PDE10A: variants seen among roughly 807,000 people sequenced by gnomAD.
The protein encoded by PDE10A is cAMP and cAMP-inhibited cGMP 3',5'-cyclic phosphodiesterase 10A.
PDE10A carries 39 observed loss-of-function variants against 97.7 expected under a neutral mutation model. The observed-to-expected ratio is 0.40, with a 90% CI of 0.31 to 0.52. PDE10A has a LOEUF of 0.52. Ranked by LOEUF, PDE10A falls within the 20% of genes least tolerant of loss-of-function variation. PDE10A has a pLI of 0.56. For missense variants in PDE10A, 731 were observed against 1,047.8 expected (o/e 0.70, Z 4.17); for synonymous variants, 371 against 376.8 (o/e 0.98, Z 0.18).
At chr6:165,401,029 T>C (rs1284234978) in intron 13 of PDE10A, among the ~76,000 whole-genome samples, 1 of 152,112 alleles carries the variant, frequency 6.6e-6, no homozygotes, top group East Asian at 1.9e-4. Flanking sequence ...AGCAAATCAA[T>C]GGTCACCTGA....
intron 1 of PDE10A, among the ~76,000 whole-genome samples, chr6:165,907,415 C>T (rs570098466): frequency 1.8e-3 from 267 of 152,350 alleles, no homozygotes; most frequent in Non-Finnish European, 2.7e-3. Flanking sequence ...CCGGGAGCCT[C>T]GCGTTGCTGG....
intron 1 of PDE10A, among the ~76,000 whole-genome samples, chr6:165,962,717 C>G (rs937423587): frequency 2.6e-5 from 4 of 152,124 alleles, no homozygotes; most frequent in African/African-American, 4.8e-5. Flanking sequence ...CCAGCAGAGG[C>G]GAAAGATTAA....
chr6:165,635,487 G>GT (rs1788831001), intron 1 of PDE10A, among the ~76,000 whole-genome samples: 2 of 152,084 alleles, frequency 1.3e-5, no homozygotes, highest in Non-Finnish European at 2.9e-5. Flanking sequence ...GTGTGTGTGT[G>GT]GGTGTGTGTG....
chr6:165,522,273 G>A (rs944313039), intron 2 of PDE10A, among the ~76,000 whole-genome samples: 27 of 152,118 alleles, frequency 1.8e-4, no homozygotes, highest in Non-Finnish European at 1.3e-4. Flanking sequence ...AATTCAAGGA[G>A]GAGGGACTGC....
rs1371857693 is a variant in PDE10A, at chr6:165,655,603, G to T, written c.865+6344C>A. Among the ~76,000 whole-genome samples the T allele has an allele frequency of 4.6e-5, 7 of 152,184 alleles. No individual in the cohort carries two copies. The South Asian group carries it at 1.5e-3, about 32-fold the overall frequency. On this transcript the variant is annotated intron_variant, in intron 1 of 21. Transcript: ENST00000539869. The surrounding 1 kb of genome is among the most constrained non-coding windows in gnomAD (Gnocchi z 4.5). Reference sequence around the variant, plus strand: ...CATCGCCGTGATCCAAGTTACCATTGCTCTTGTCTTGACTATGACAGTAGC... The same window carrying T: ...CATCGCCGTGATCCAAGTTACCATTTCTCTTGTCTTGACTATGACAGTAGC...
chr6:165,559,186 A>C (rs1452687291), intron 1 of PDE10A, among the ~76,000 whole-genome samples: 1 of 152,174 alleles, frequency 6.6e-6, no homozygotes, highest in African/African-American at 2.4e-5. Flanking sequence ...GATTCATGGA[A>C]AAGAAAATTG....
At chr6:165,766,380 C>CA (rs1234940237) in intron 1 of PDE10A, among the ~76,000 whole-genome samples, 4 of 152,212 alleles carry the variant, frequency 2.6e-5, no homozygotes, top group African/African-American at 7.2e-5. Context: ...AAGGCGCCAG[C>CA]AGTAATTCTA....
chr6:165,349,693 GC>G (rs1243470159), intron 18 of PDE10A, among the ~76,000 whole-genome samples: 2 of 152,192 alleles, frequency 1.3e-5, no homozygotes, highest in Non-Finnish European at 2.9e-5. Flanking sequence ...AAGCCCAGAG[GC>G]CCAAGGGGCA....
chr6:165,809,137 C>T (rs1779211629), intron 1 of PDE10A, among the ~76,000 whole-genome samples: 1 of 152,172 alleles, frequency 6.6e-6, no homozygotes, highest in Admixed American at 6.5e-5. Flanking sequence ...AGCAGAGAAC[C>T]ACGTTCTCTG....
At chr6:165,358,564 C>CA (rs987276207) in intron 18 of PDE10A, among the ~76,000 whole-genome samples, 6 of 150,860 alleles carry the variant, frequency 4.0e-5, no homozygotes, top group Non-Finnish European at 1.5e-5. Flanking sequence ...TTGCTTTCAA[C>CA]AAATCTTTCT....
At position 165,331,250 on chromosome 6, in the gene PDE10A, A is replaced by T. The variant is rs575415200; in HGVS notation, c.*1775T>A. 2.4e-3 allele frequency: 365 copies of T among 152,340 alleles called. 2 individuals carry two copies. Among genetic ancestry groups the T allele is most frequent in the African/African-American group, 8.5e-3 (352 of 41,582 alleles). 9.4% of individuals were successfully genotyped at this position (152,340 alleles called of 1,614,324 possible). A position where few individuals can be genotyped will look rare whatever the true frequency, so the allele number is the denominator to read the frequency against. On this transcript the variant is annotated 3_prime_UTR_variant, in exon 22 of 22. Coordinates refer to ENST00000539869, the MANE Select transcript of PDE10A (RefSeq NM_001385079.1). Reference sequence around the variant, plus strand: ...TATGTGTGTGTATATATCTAGCCACAGTGGTACTTCTCTCTCTTTTGTTAT... The same window carrying T: ...TATGTGTGTGTATATATCTAGCCACTGTGGTACTTCTCTCTCTTTTGTTAT...
chr6:165,890,425 G>C lies in PDE10A; in HGVS notation c.-615+97104C>G, dbSNP rs547655487. Among the ~76,000 whole-genome samples the C allele has an allele frequency of 4.6e-5, 7 of 152,324 alleles. No homozygotes were observed. In the East Asian group the frequency reaches 1.2e-3, roughly 25 times the overall value. ...CAATAAATCACTGTCTTCCGCGACA[G>C]TGGCTTTAGCTGTTTAGCTCATGCC... On this transcript the variant is annotated intron_variant, in intron 1 of 19. Transcript: ENST00000366882.
chr6:165,823,212 A>C (rs1779622754), intron 1 of PDE10A, among the ~76,000 whole-genome samples: 1 of 151,416 alleles, frequency 6.6e-6, no homozygotes, highest in African/African-American at 2.4e-5. Flanking sequence ...TGCTGTACAA[A>C]ATATTTTCTT....
rs142813143 is a variant in PDE10A at position 165,623,189 on chromosome 6, G to A, written c.865+38758C>T. ...AGGGTCACCCAGGCTGGAGTGGCACGATCTCAGCTCACTGCAACCTCCACC... is the reference window on the plus strand; with the variant it reads ...AGGGTCACCCAGGCTGGAGTGGCACAATCTCAGCTCACTGCAACCTCCACC... On this transcript the variant is annotated intron_variant, in intron 1 of 21. Coordinates refer to ENST00000539869, the MANE Select transcript of PDE10A (RefSeq NM_001385079.1). 2.8e-3 allele frequency among the ~76,000 whole-genome samples: 424 copies of A among 152,166 alleles called. 16 individuals are homozygous for A. The East Asian group carries it at 0.065, about 23-fold the overall frequency.
intron 1 of PDE10A, among the ~76,000 whole-genome samples, chr6:165,566,266 A>G (rs1784775006): frequency 6.6e-6 from 1 of 152,224 alleles, no homozygotes; most frequent in Non-Finnish European, 1.5e-5. Context: ...TAAAAGTCCA[A>G]AACATTAACA....
intron 1 of PDE10A, among the ~76,000 whole-genome samples, chr6:165,607,228 T>C (rs1221146507): frequency 1.3e-5 from 2 of 152,188 alleles, no homozygotes; most frequent in Non-Finnish European, 2.9e-5. Flanking sequence ...TTGAGTTAAT[T>C]TGGACAGCAA....
intron 1 of PDE10A, among the ~76,000 whole-genome samples, chr6:165,952,201 A>G (rs1007933246): frequency 6.6e-6 from 1 of 152,228 alleles, no homozygotes; most frequent in East Asian, 1.9e-4. Context: ...CCATGCACCC[A>G]CCAGCAGCCC....
At chr6:165,394,994 A>C (rs1786041583) in intron 15 of PDE10A, among the ~76,000 whole-genome samples, 187 bp downstream of exon 15, 2 of 152,194 alleles carry the variant, frequency 1.3e-5, no homozygotes, top group African/African-American at 4.8e-5. Flanking sequence ...AGAGAATCTG[A>C]AAAGGCTGCA....
intron 1 of PDE10A, among the ~76,000 whole-genome samples, chr6:165,971,456 G>A (rs1784672698): frequency 6.6e-6 from 1 of 152,068 alleles, no homozygotes; most frequent in South Asian, 2.1e-4. Flanking sequence ...ATTCCTTCAG[G>A]GCTGGGAAAA....
Sources: gnomAD v4.1 joint callset for allele counts (sites outside exome capture counted in the v4.1 genomes callset) on GRCh38, gnomAD v4.1.1 for gene constraint, Gnocchi (gnomAD v3.1) non-coding constraint, MANE v1.5 for transcripts, NCBI Gene and HGNC (gene_info 2026-07-23, HGNC 2026-07-21) for gene names.